DRC2: variants seen among roughly 807,000 people sequenced by gnomAD.
The protein encoded by DRC2 is dynein regulatory complex subunit 2.
the DRC2 span, among the ~76,000 whole-genome samples, chr12:48,907,488 A>G: frequency 2.0e-5 from 3 of 152,160 alleles, no homozygotes; most frequent in Admixed American, 2.0e-4. Context: ...GCTTAGGTAA[A>G]TCACACACTG....
chr12:48,916,972 A>G, the DRC2 span: 1 of 1,613,882 alleles, frequency 6.2e-7, no homozygotes, highest in Non-Finnish European at 8.5e-7. Flanking sequence ...TCCTACAGGA[A>G]GACAATTATT....
chr12:48,912,354 C>A, the DRC2 span, among the ~76,000 whole-genome samples: 5 of 144,738 alleles, frequency 3.5e-5, no homozygotes, highest in East Asian at 1.0e-3. Flanking sequence ...GGCGTGAACC[C>A]GGGAGAGGGA....
At chr12:48,910,989 G>A in the DRC2 span, among the ~76,000 whole-genome samples, 1 of 152,202 alleles carries the variant, frequency 6.6e-6, no homozygotes, top group African/African-American at 2.4e-5. Flanking sequence ...AGGTTGCAGT[G>A]AGCCAAGATT....
At chr12:48,904,551 C>G in the DRC2 span, 2 of 1,504,424 alleles carry the variant, frequency 1.3e-6, no homozygotes, top group Non-Finnish European at 1.8e-6. Flanking sequence ...TCATTTTCAT[C>G]CTGACCTCCC....
the DRC2 span, chr12:48,914,683 G>A: frequency 6.1e-6 from 6 of 979,314 alleles, no homozygotes; most frequent in South Asian, 1.0e-4. Flanking sequence ...ATCCCACATT[G>A]ATTATCACGG....
chr12:48,912,703 AG>A, the DRC2 span, among the ~76,000 whole-genome samples: 1 of 152,196 alleles, frequency 6.6e-6, no homozygotes, highest in Non-Finnish European at 1.5e-5. Context: ...GTCACATAGC[AG>A]AGAATTGTAG....
At chr12:48,920,425 G>C in the DRC2 span, among the ~76,000 whole-genome samples, 1 of 75,326 alleles carries the variant, frequency 1.3e-5, no homozygotes, top group East Asian at 4.7e-4. Context: ...TGGGCAACAA[G>C]AGCGAAACTC....
the DRC2 span, chr12:48,904,207 C>T: frequency 3.2e-5 from 41 of 1,274,770 alleles, no homozygotes; most frequent in Non-Finnish European, 4.2e-5. Context: ...CTGAGATCTC[C>T]GGTCCCACAA....
At chr12:48,918,525 T>C in the DRC2 span, 1 of 1,572,796 alleles carries the variant, frequency 6.4e-7, no homozygotes, top group African/African-American at 1.4e-5. Flanking sequence ...TATTATCCCC[T>C]CTTTTGCTTC....
At chr12:48,914,605 A>G in the DRC2 span, 1 of 1,605,972 alleles carries the variant, frequency 6.2e-7, no homozygotes, top group Non-Finnish European at 8.5e-7. Context: ...TGGGGAATTG[A>G]ATCCAGGGGA....
At chr12:48,910,199 T>C in the DRC2 span, among the ~76,000 whole-genome samples, 2 of 152,326 alleles carry the variant, frequency 1.3e-5, no homozygotes, top group Non-Finnish European at 1.5e-5. Flanking sequence ...TGTCACTCAA[T>C]AGATCATCAA....
chr12:48,914,434 G>A, the DRC2 span: 2 of 1,613,520 alleles, frequency 1.2e-6, no homozygotes, highest in African/African-American at 1.3e-5. Context: ...CGAAGCCGAG[G>A]AGCAGTACGC....
chr12:48,906,524 TC>T, the DRC2 span, among the ~76,000 whole-genome samples: 2 of 150,996 alleles, frequency 1.3e-5, no homozygotes, highest in Non-Finnish European at 3.0e-5. Flanking sequence ...CCTCAGGTGA[TC>T]CGCCCGCCTC....
At chr12:48,904,338 T>C in the DRC2 span, 1 of 1,612,894 alleles carries the variant, frequency 6.2e-7, no homozygotes, top group Non-Finnish European at 8.5e-7. Context: ...CCTGCCCCCA[T>C]GCCTAAGAAA....
chr12:48,906,628 C>T, the DRC2 span, among the ~76,000 whole-genome samples: 6 of 151,578 alleles, frequency 4.0e-5, no homozygotes, highest in African/African-American at 9.7e-5. Context: ...TACAGTGGCG[C>T]GATCTCGGCT....
chr12:48,914,612 G>A, the DRC2 span: 2 of 1,600,584 alleles, frequency 1.2e-6, no homozygotes, highest in Non-Finnish European at 1.7e-6. Context: ...TTGAATCCAG[G>A]GGAGTGCCCA....
chr12:48,916,154 G>A, the DRC2 span, among the ~76,000 whole-genome samples: 3 of 148,292 alleles, frequency 2.0e-5, no homozygotes, highest in Non-Finnish European at 4.5e-5. Context: ...CATCCCAGAC[G>A]ATGGGCGGCC....
the DRC2 span, among the ~76,000 whole-genome samples, chr12:48,915,646 G>A: frequency 6.6e-6 from 1 of 152,100 alleles, no homozygotes; most frequent in South Asian, 2.1e-4. Context: ...CAGACGGGGT[G>A]GTGGCCGGGC....
chr12:48,909,231 C>T, the DRC2 span, among the ~76,000 whole-genome samples: 74 of 151,050 alleles, frequency 4.9e-4, 1 homozygote, highest in East Asian at 0.012. Context: ...TTAGTAGAGA[C>T]GGGGTTTCTC....
Sources: gnomAD v4.1 joint callset for allele counts (sites outside exome capture counted in the v4.1 genomes callset) on GRCh38, gnomAD v4.1.1 for gene constraint, MANE v1.5 for transcripts, NCBI Gene and HGNC (gene_info 2026-07-23, HGNC 2026-07-21) for gene names.